CHN1: variants seen among roughly 807,000 people sequenced by gnomAD.
The protein encoded by CHN1 is chimerin 1.
In CHN1, 37 loss-of-function variants were observed where a neutral mutation model predicts 59.5. The observed-to-expected ratio is 0.62, with a 90% CI of 0.48 to 0.82. CHN1 has a LOEUF of 0.82. CHN1 is among the 40% of genes least tolerant of loss of function. CHN1 has a pLI of 0.00. For missense variants in CHN1, 469 were observed against 571.0 expected (o/e 0.82, Z 1.82); for synonymous variants, 206 against 200.4 (o/e 1.03, Z -0.24).
chr2:174,981,140 C>T (rs999155808), intron 1 of CHN1, among the ~76,000 whole-genome samples: 6 of 152,224 alleles, frequency 3.9e-5, no homozygotes, highest in African/African-American at 1.4e-4. Context: ...ATTGAGAAAG[C>T]TAACCTGGAT....
chr2:174,846,292 T>A lies in CHN1; in HGVS notation c.627+588A>T, dbSNP rs967563160. ...TTGATAAACCACATTAACACAATAA[T>A]TAAAAACTACACATACGCATACATG... On this transcript the variant is annotated intron_variant, in intron 7 of 12. Coordinates refer to ENST00000409900, the MANE Select transcript of CHN1 (RefSeq NM_001822.7). 37 of 1,536,828 alleles carry A rather than the reference T, an allele frequency of 2.4e-5. No individual in the cohort carries two copies. The African/African-American group carries it at 5.0e-4, about 21-fold the overall frequency.
chr2:174,900,510 A>T (rs1186205954), intron 5 of CHN1, among the ~76,000 whole-genome samples: 1 of 152,170 alleles, frequency 6.6e-6, no homozygotes, highest in Non-Finnish European at 1.5e-5. Context: ...AAATTTTTAA[A>T]ACGTAACCAT....
rs935915878 is a variant in CHN1, at chr2:174,905,567, T to A, written c.260+9491A>T. Among the ~76,000 whole-genome samples the A allele has an allele frequency of 9.4e-5, 14 of 149,234 alleles. No individual in the cohort carries two copies. The South Asian group carries it at 2.7e-3, about 29-fold the overall frequency. ...AACCATGCTGAGGATAAAAAAAAAT[T>A]TTTTTTTTTTTCTCTGAGACGGAGT... is the stretch of plus-strand genomic sequence containing the variant. On this transcript the variant is annotated intron_variant, in intron 5 of 12. Coordinates refer to ENST00000409900, the MANE Select transcript of CHN1 (RefSeq NM_001822.7).
chr2:174,979,473 T>A (rs1691065947), intron 1 of CHN1, among the ~76,000 whole-genome samples: 1 of 152,172 alleles, frequency 6.6e-6, no homozygotes, highest in African/African-American at 2.4e-5. Context: ...ACCTGCTTAT[T>A]GGCAGGCTCT....
intron 1 of CHN1, among the ~76,000 whole-genome samples, chr2:174,994,831 T>C (rs1691655346): frequency 6.6e-6 from 1 of 152,150 alleles, no homozygotes; most frequent in African/African-American, 2.4e-5. Flanking sequence ...GTCAGACAGG[T>C]CAAGGGTCCT....
In CHN1 at chr2:174,819,934, G is replaced by C. The variant is rs557634305; in HGVS notation, c.712+4500C>G. Among the ~76,000 whole-genome samples the C allele has an allele frequency of 1.2e-3, 177 of 149,746 alleles. 1 individual carries two copies. Among genetic ancestry groups the C allele is most frequent in the African/African-American group, 4.1e-3 (166 of 40,552 alleles). On this transcript the variant is annotated intron_variant, in intron 8 of 12. Transcript: ENST00000409900. Reference sequence around the variant, plus strand: ...GCAGTGTTTGGTTTTTTGTCCTTGCGATAGTTTACTGAGAATGATGATTTC... The same window carrying C: ...GCAGTGTTTGGTTTTTTGTCCTTGCCATAGTTTACTGAGAATGATGATTTC...
chr2:174,893,651 TCAAAAGACCA>T (rs1688121568), intron 5 of CHN1, among the ~76,000 whole-genome samples: 1 of 152,034 alleles, frequency 6.6e-6, no homozygotes. Flanking sequence ...ATATGAAATC[TCAAAAGACCA>T]CAAATGGCCA....
chr2:174,919,633 CAAATGTACTTATA>C (rs1688948823), intron 3 of CHN1, among the ~76,000 whole-genome samples: 1 of 152,022 alleles, frequency 6.6e-6, no homozygotes, highest in South Asian at 2.1e-4. Context: ...CCTTTTCTTT[CAAATGTACTTATA>C]ACTAACAAAT....
Position 174,985,672 on chromosome 2 carries a change from G to A in CHN1, c.19+19222C>T, listed in dbSNP as rs570388506. On this transcript the variant is annotated intron_variant, in intron 1 of 12. Transcript: ENST00000409900. Reference sequence around the variant, plus strand: ...TTCTACAGATCCCAGTGTGTTTTACGGATCTTCAACAAAGGATTTTGGCTC... The same window carrying A: ...TTCTACAGATCCCAGTGTGTTTTACAGATCTTCAACAAAGGATTTTGGCTC... 4.1e-4 allele frequency among the ~76,000 whole-genome samples: 62 copies of A among 152,192 alleles called. No individual in the cohort carries two copies. The South Asian group carries it at 0.011, about 28-fold the overall frequency.
In CHN1 at chr2:175,005,134, C is replaced by T. The variant is rs1361245142; in HGVS notation, c.-222G>A. The T allele has an allele frequency of 3.1e-6, 4 of 1,305,140 alleles. No individual in the cohort carries two copies. The East Asian group carries it at 1.3e-4, about 43-fold the overall frequency. The allele number at this position is 1,305,140 out of a possible 1,614,324, so 80.8% of individuals were successfully genotyped here. A position where few individuals can be genotyped will look rare whatever the true frequency, so the allele number is the denominator to read the frequency against. On this transcript the variant is annotated 5_prime_UTR_variant, in exon 1 of 13. Coordinates refer to ENST00000409900, the MANE Select transcript of CHN1 (RefSeq NM_001822.7). ...TGTCGGGCGCACCGGGCCCAGGGAG[C>T]CCCGCTAGCTCTCCGCGAGCCGGCA...
At chr2:174,988,282 G>A (rs541327509) in intron 1 of CHN1, among the ~76,000 whole-genome samples, 11 of 151,412 alleles carry the variant, frequency 7.3e-5, no homozygotes, top group Non-Finnish European at 1.0e-4. Flanking sequence ...GCGTGAACCC[G>A]GGAGGCGGAG....
At chr2:175,001,676 G>A (rs188678513) in intron 1 of CHN1, among the ~76,000 whole-genome samples, 27 of 152,300 alleles carry the variant, frequency 1.8e-4, no homozygotes, top group African/African-American at 5.5e-4. Context: ...ATTATTCAAG[G>A]TTCAGCCAGC....
At chr2:175,004,730 G>A (rs1317784830) in intron 1 of CHN1, among the ~76,000 whole-genome samples, 164 bp downstream of exon 1, 3 of 151,504 alleles carry the variant, frequency 2.0e-5, no homozygotes, top group Admixed American at 6.6e-5. Context: ...GGAGAGGCGC[G>A]AGGGAGCAAG....
intron 6 of CHN1, among the ~76,000 whole-genome samples, chr2:174,874,279 A>G (rs1034293284): frequency 6.6e-6 from 1 of 152,214 alleles, no homozygotes; most frequent in Non-Finnish European, 1.5e-5. Context: ...GAAGTAACTA[A>G]TAAAAGTTGG....
At chr2:174,822,477 T>A (rs888700085) in intron 8 of CHN1, among the ~76,000 whole-genome samples, 1 of 152,210 alleles carries the variant, frequency 6.6e-6, no homozygotes, top group African/African-American at 2.4e-5. Context: ...AGAATTCTTA[T>A]GTAGATGGGC....
At chr2:174,912,435 C>T (rs1318647498) in intron 5 of CHN1, among the ~76,000 whole-genome samples, 3 of 152,154 alleles carry the variant, frequency 2.0e-5, no homozygotes, top group South Asian at 2.1e-4. Context: ...ATAGATATCA[C>T]AGCACATTTG....
At chr2:174,897,603 T>C (rs1401606017) in intron 5 of CHN1, among the ~76,000 whole-genome samples, 1 of 151,736 alleles carries the variant, frequency 6.6e-6, no homozygotes, top group Non-Finnish European at 1.5e-5. Flanking sequence ...AAAAAAACAG[T>C]GTAGAGTTTC....
At chr2:174,995,425 G>A (rs115219640) in intron 1 of CHN1, among the ~76,000 whole-genome samples, 3,666 of 152,264 alleles carry the variant, frequency 0.024, 144 homozygotes, top group African/African-American at 0.082. Context: ...ACCAGTGACC[G>A]GTTCTGGTTT....
At chr2:174,986,541 C>T (rs1268583450) in intron 1 of CHN1, among the ~76,000 whole-genome samples, 1 of 152,092 alleles carries the variant, frequency 6.6e-6, no homozygotes, top group African/African-American at 2.4e-5. Flanking sequence ...GAAATACAGC[C>T]GACCCTTAAA....
Sources: allele counts gnomAD v4.1 joint callset (sites outside exome capture counted in the v4.1 genomes callset), GRCh38; gene constraint gnomAD v4.1.1; transcripts MANE v1.5; gene names NCBI Gene and HGNC (gene_info 2026-07-23, HGNC 2026-07-21).